Variants in NAALADL2 observed in about 807,000 individuals in gnomAD.
NAALADL2 encodes the protein N-acetylated alpha-linked acidic dipeptidase like 2, also known as inactive N-acetylated-alpha-linked acidic dipeptidase-like protein 2.
Under a neutral mutation model 87.2 loss-of-function variants are expected in NAALADL2, and 76 were observed. The observed-to-expected ratio is 0.87, with a 90% CI of 0.72 to 1.05. The LOEUF is 1.05. Ranked by LOEUF, NAALADL2 falls within the 50% of genes least tolerant of loss-of-function variation. The pLI is 0.00. For missense variants in NAALADL2, 1,089 were observed against 945.8 expected, an observed-to-expected ratio of 1.15 and a Z score of -1.99; for synonymous variants, 354 against 331.0, an observed-to-expected ratio of 1.07 and a Z score of -0.75.
At chr3:175,577,007 T>C (rs1344643253) in intron 10 of NAALADL2, among the ~76,000 whole-genome samples, 1 of 152,214 alleles carries the variant, frequency 6.6e-6, no homozygotes, top group Non-Finnish European at 1.5e-5. Flanking sequence ...ATGCAATATC[T>C]TAATTTTTAA....
intron 2 of NAALADL2, among the ~76,000 whole-genome samples, chr3:174,681,714 T>C (rs1013691853): frequency 6.6e-6 from 1 of 152,118 alleles, no homozygotes; most frequent in Non-Finnish European, 1.5e-5. Context: ...GACCTACAAC[T>C]TTTCCAGTGT....
chr3:174,616,522 G>C (rs1720474398), intron 2 of NAALADL2, among the ~76,000 whole-genome samples: 1 of 151,916 alleles, frequency 6.6e-6, no homozygotes, highest in South Asian at 2.1e-4. Flanking sequence ...GCTGGCAGTT[G>C]CAATTTCTAG....
chr3:175,635,899 T>A (rs1728459900), intron 11 of NAALADL2, among the ~76,000 whole-genome samples: 1 of 152,066 alleles, frequency 6.6e-6, no homozygotes, highest in Non-Finnish European at 1.5e-5. Flanking sequence ...AAACAAACTT[T>A]CTGTATAATA....
intron 9 of NAALADL2, among the ~76,000 whole-genome samples, chr3:175,493,336 T>G (rs937745224): frequency 1.3e-5 from 2 of 152,152 alleles, no homozygotes; most frequent in Non-Finnish European, 2.9e-5. Context: ...GGATTTACCT[T>G]CTCTTGAAAA....
At chr3:174,983,090 G>A (rs1036083083) in intron 1 of NAALADL2, among the ~76,000 whole-genome samples, 1 of 152,126 alleles carries the variant, frequency 6.6e-6, no homozygotes, top group African/African-American at 2.4e-5. Flanking sequence ...GAGCCACCGC[G>A]CCCAGCCAAA....
intron 2 of NAALADL2, among the ~76,000 whole-genome samples, chr3:174,715,201 C>T (rs1731068003): frequency 6.6e-6 from 1 of 152,072 alleles, no homozygotes; most frequent in East Asian, 1.9e-4. Flanking sequence ...CAATATATCA[C>T]CTAGTTATAC....
intron 1 of NAALADL2, among the ~76,000 whole-genome samples, chr3:174,863,561 A>G (rs945424679): frequency 4.6e-5 from 7 of 151,398 alleles, no homozygotes; most frequent in Middle Eastern, 3.2e-3. Flanking sequence ...CACTAATTCT[A>G]TTTAAAATAA....
intron 2 of NAALADL2, among the ~76,000 whole-genome samples, chr3:175,109,306 T>A (rs1723782616): frequency 6.6e-6 from 1 of 151,874 alleles, no homozygotes; most frequent in African/African-American, 2.4e-5. Context: ...GCAAGATGCA[T>A]TAAAGGTCTC....
At chr3:175,649,315 C>T (rs1240218042) in intron 11 of NAALADL2, among the ~76,000 whole-genome samples, 1 of 151,874 alleles carries the variant, frequency 6.6e-6, no homozygotes, top group Non-Finnish European at 1.5e-5. Context: ...TTCCAAGACT[C>T]CACTGGCATT....
intron 11 of NAALADL2, among the ~76,000 whole-genome samples, chr3:175,681,550 C>T (rs541622172): frequency 2.0e-4 from 31 of 152,152 alleles, no homozygotes; most frequent in Non-Finnish European, 2.6e-4. Context: ...AAAAATCATA[C>T]GCATGTATTA....
At chr3:175,032,807 G>A (rs1281585735) in intron 1 of NAALADL2, among the ~76,000 whole-genome samples, 3 of 151,932 alleles carry the variant, frequency 2.0e-5, no homozygotes, top group Non-Finnish European at 4.4e-5. Context: ...GTTTAATTGT[G>A]TCATCAAGTT....
intron 11 of NAALADL2, among the ~76,000 whole-genome samples, chr3:175,696,494 A>C (rs1394292096): frequency 6.6e-6 from 1 of 152,080 alleles, no homozygotes; most frequent in South Asian, 2.1e-4. Flanking sequence ...CATAGAGGAA[A>C]TATTAAGTGA....
At chr3:174,641,628 G>A (rs544815126) in intron 2 of NAALADL2, among the ~76,000 whole-genome samples, 1 of 152,324 alleles carries the variant, frequency 6.6e-6, no homozygotes, top group African/African-American at 2.4e-5. Context: ...GAGATCCTAA[G>A]AGTCAGTCTT....
chr3:175,530,957 C>A (rs1283610767), intron 9 of NAALADL2, among the ~76,000 whole-genome samples: 2 of 152,184 alleles, frequency 1.3e-5, no homozygotes, highest in Non-Finnish European at 2.9e-5. Context: ...GAGTAGTTAT[C>A]TGCAGAAGAT....
intron 1 of NAALADL2, among the ~76,000 whole-genome samples, chr3:174,897,099 G>A (rs1245676066): frequency 6.6e-6 from 1 of 152,214 alleles, no homozygotes; most frequent in East Asian, 1.9e-4. Context: ...CCAGGATATT[G>A]GTCTGGGGAA....
intron 10 of NAALADL2, among the ~76,000 whole-genome samples, chr3:175,620,240 A>G (rs577129249): frequency 6.6e-6 from 1 of 152,224 alleles, no homozygotes; most frequent in Admixed American, 6.5e-5. Flanking sequence ...TGGGCCCACC[A>G]GGCTCACTTC....
At chr3:174,971,212 C>A (rs541283276) in intron 1 of NAALADL2, among the ~76,000 whole-genome samples, 21 of 152,292 alleles carry the variant, frequency 1.4e-4, no homozygotes, top group Admixed American at 2.6e-4. Flanking sequence ...CTGGGAGATA[C>A]AATCCAAGTT....
At chr3:174,860,992 T>G (rs1318677274) in intron 1 of NAALADL2, among the ~76,000 whole-genome samples, 1 of 152,102 alleles carries the variant, frequency 6.6e-6, no homozygotes, top group African/African-American at 2.4e-5. Context: ...ACAAGTGATA[T>G]AGTAAATAAT....
intron 9 of NAALADL2, among the ~76,000 whole-genome samples, chr3:175,574,799 C>A (rs1033509859): frequency 6.6e-6 from 1 of 152,084 alleles, no homozygotes; most frequent in African/African-American, 2.4e-5. Context: ...AATTATGTCA[C>A]GCCAGAGAAG....
Sources: gnomAD v4.1 joint callset for allele counts (sites outside exome capture counted in the v4.1 genomes callset) on GRCh38, gnomAD v4.1.1 for gene constraint, MANE v1.5 for transcripts, NCBI Gene and HGNC (gene_info 2026-07-23, HGNC 2026-07-21) for gene names.